The following ANKRD31 variants were observed in gnomAD, a reference collection of about 807,000 sequenced individuals.
ANKRD31 encodes ankyrin repeat domain 31.
ANKRD31 carries 147 observed loss-of-function variants against 186.0 expected under a neutral mutation model. The ratio of observed to expected loss-of-function variants is 0.79; its 90% CI spans 0.69 to 0.91. ANKRD31 has a LOEUF of 0.91. Among genes scored for constraint, ANKRD31 ranks in the 40% least tolerant of loss-of-function variants. ANKRD31 has a pLI of 0.00. For missense variants in ANKRD31, 1,986 were observed against 2,148.8 expected, an observed-to-expected ratio of 0.92 and a Z score of 1.50; for synonymous variants, 673 against 736.4, an observed-to-expected ratio of 0.91 and a Z score of 1.39.
At chr5:75,138,431 AT>A (rs1204251196) in intron 16 of ANKRD31, among the ~76,000 whole-genome samples, 4 of 152,142 alleles carry the variant, frequency 2.6e-5, no homozygotes, top group Non-Finnish European at 5.9e-5. Context: ...CTTAAGCAAA[AT>A]GTTAGGTAAA....
intron 10 of ANKRD31, among the ~76,000 whole-genome samples, chr5:75,171,114 T>C (rs890708057): frequency 2.6e-5 from 4 of 152,016 alleles, no homozygotes; most frequent in Non-Finnish European, 4.4e-5. Flanking sequence ...TGAACAACAT[T>C]ATCAACACCT....
chr5:75,210,906 T>C (rs1226621013), intron 3 of ANKRD31, 41 bp from the exon 4 acceptor site: 1 of 1,339,222 alleles, frequency 7.5e-7, no homozygotes, highest in Admixed American at 2.8e-5. Flanking sequence ...TGATAAGTGT[T>C]AATTCAATGC....
At chr5:75,138,038 C>A (rs559395709) in intron 16 of ANKRD31, 40 bp from the exon 17 acceptor site, 20 of 1,405,198 alleles carry the variant, frequency 1.4e-5, no homozygotes, top group East Asian at 1.3e-4. Flanking sequence ...CTGCTTCATG[C>A]GAATCAATAC....
chr5:75,176,979 C>A (rs1323100299), intron 10 of ANKRD31, among the ~76,000 whole-genome samples: 1 of 151,978 alleles, frequency 6.6e-6, no homozygotes, highest in Non-Finnish European at 1.5e-5. Context: ...AAGTTAAAAA[C>A]TATGAAAAAA....
In ANKRD31 at chr5:75,116,993, C is replaced by A. The variant is rs572469348; in HGVS notation, c.4040-312G>T. Among the ~76,000 whole-genome samples, 8 of 152,150 alleles carry A rather than the reference C, an allele frequency of 5.3e-5. No homozygotes were observed. The East Asian group carries it at 1.5e-3, about 29-fold the overall frequency. On this transcript the variant is annotated intron_variant, in intron 18 of 25. Transcript: ENST00000506364. ...GGCTTAGAGGGGTTCAAGAAGTTGC[C>A]CAATGTCACACAGTTAGAACTGAAA... is the stretch of plus-strand genomic sequence containing the variant.
At position 75,068,640 on chromosome 5, in the gene ANKRD31, C is replaced by A; in HGVS notation, c.5672G>T (p.Ser1891Ile). The change falls in exon 26 of 26, where the codon AGC (serine) becomes ATC (isoleucine). Residue 1891 changes from serine to isoleucine, a missense_variant. Physicochemically the swap from Ser to Ile is moderately radical, Grantham distance 142 (BLOSUM62 -2). Coordinates refer to ENST00000506364, the MANE Select transcript of ANKRD31 (RefSeq NM_001372053.1). ...GQGTSRESMQ[S>I]SPRYLQINEI... ...ATTTATTTGTAGATAACGTGGGCTG[C>A]TTTGCATTGACTCTCTGGAAGTTCC... The A allele has an allele frequency of 6.6e-7, 1 of 1,514,300 alleles. No homozygotes were observed. The allele number at this position is 1,514,300 out of a possible 1,614,324, so 93.8% of individuals were successfully genotyped here.
At chr5:75,213,845 T>G (rs1296557574) in intron 3 of ANKRD31, among the ~76,000 whole-genome samples, 2 of 152,222 alleles carry the variant, frequency 1.3e-5, no homozygotes, top group African/African-American at 4.8e-5. Flanking sequence ...TCTCTTTCAC[T>G]GATTCATGGA....
Position 75,125,956 on chromosome 5 carries a change from C to T in ANKRD31, c.3877-7659G>A, listed in dbSNP as rs931705054. Among the ~76,000 whole-genome samples the T allele has an allele frequency of 5.3e-5, 8 of 152,306 alleles. No individual in the cohort carries two copies. In the East Asian group the frequency reaches 1.2e-3, roughly 22 times the overall value. Reference sequence around the variant, plus strand: ...CACGACTACAATAATGACTTAGAGACATTCTACCATCACAAAAAATCCTTT... The same window carrying T: ...CACGACTACAATAATGACTTAGAGATATTCTACCATCACAAAAAATCCTTT... On this transcript the variant is annotated intron_variant, in intron 17 of 25. Coordinates refer to ENST00000506364, the MANE Select transcript of ANKRD31 (RefSeq NM_001372053.1).
Position 75,146,633 on chromosome 5 carries a change from T to G in ANKRD31, c.2778A>C (p.Lys926Asn), listed in dbSNP as rs753472695. Residue 926 changes from lysine to asparagine, a missense_variant, in exon 14 of 26, where the codon AAA (lysine) becomes AAC (asparagine). Lys to Asn is a moderately conservative substitution (Grantham distance 94). Transcript: ENST00000506364. ...TTAAATTCTCCTTAAAATTATAGTG[T>G]TTTTTGCCACCTGTAGAACACAACA... ...KKVLCSTGGKKHYNFKENLTN... is the reference protein window; with the variant it reads ...KKVLCSTGGKNHYNFKENLTN... The G allele has an allele frequency of 2.0e-5, 30 of 1,535,558 alleles. No homozygotes were observed. The highest frequency in any genetic ancestry group is 5.9e-5 in the Admixed American group (3 of 50,780).
In ANKRD31 at chr5:75,068,617, T is replaced by G. The variant is rs987710525; in HGVS notation, c.5695A>C (p.Asn1899His). Residue 1899 changes from asparagine to histidine, a missense_variant, in exon 26 of 26, where the codon AAT becomes CAT. Coordinates refer to ENST00000506364, the MANE Select transcript of ANKRD31 (RefSeq NM_001372053.1). ...TGATCACTGATTAATAGTATTTCAT[T>G]TATTTGTAGATAACGTGGGCTGCTT... is the stretch of plus-strand genomic sequence containing the variant. ...MQSSPRYLQI[N>H]EILLISDQEF... 9 of 1,524,574 alleles carry G rather than the reference T, an allele frequency of 5.9e-6. No individual in the cohort carries two copies. In the African/African-American group the frequency reaches 1.2e-4, roughly 21 times the overall value. The allele number at this position is 1,524,574 out of a possible 1,614,324, so 94.4% of individuals were successfully genotyped here.
Position 75,133,555 on chromosome 5 carries a change from C to T in ANKRD31, c.3876+4301G>A, listed in dbSNP as rs574625438. On this transcript the variant is annotated intron_variant, in intron 17 of 25. Coordinates refer to ENST00000506364, the MANE Select transcript of ANKRD31 (RefSeq NM_001372053.1). ...CTACAAAGAGACTTAGACTCCCACA[C>T]AATAATAATGGCAGACTTTAACACC... 1.2e-4 allele frequency among the ~76,000 whole-genome samples: 18 copies of T among 152,238 alleles called. No individual in the cohort carries two copies. In the South Asian group the frequency reaches 2.7e-3, roughly 23 times the overall value.
chr5:75,173,608 G>A (rs537846492), intron 10 of ANKRD31, among the ~76,000 whole-genome samples: 47 of 152,032 alleles, frequency 3.1e-4, no homozygotes, highest in Non-Finnish European at 4.6e-4. Flanking sequence ...AGAGAGCCAA[G>A]TCACGAGTGA....
At chr5:75,229,634 A>G (rs1480379100) in intron 2 of ANKRD31, among the ~76,000 whole-genome samples, 1 of 152,146 alleles carries the variant, frequency 6.6e-6, no homozygotes, top group Non-Finnish European at 1.5e-5. Flanking sequence ...TGGAGGACCA[A>G]GGTGGGCAGA....
intron 10 of ANKRD31, among the ~76,000 whole-genome samples, chr5:75,187,426 A>C (rs1488637099): frequency 1.3e-5 from 2 of 152,022 alleles, no homozygotes; most frequent in African/African-American, 4.8e-5. Flanking sequence ...ACAAGAAGGG[A>C]ACAGCCACTG....
At chr5:75,196,587 C>T (rs1755482884) in intron 6 of ANKRD31, among the ~76,000 whole-genome samples, 1 of 152,142 alleles carries the variant, frequency 6.6e-6, no homozygotes, top group South Asian at 2.1e-4. Context: ...CCAAAATGTC[C>T]TATTTGATTT....
intron 10 of ANKRD31, among the ~76,000 whole-genome samples, chr5:75,177,528 G>T (rs536134367): frequency 6.6e-6 from 1 of 152,108 alleles, no homozygotes; most frequent in Non-Finnish European, 1.5e-5. Flanking sequence ...GACTAACAGT[G>T]GATCTCTTGG....
intron 17 of ANKRD31, among the ~76,000 whole-genome samples, chr5:75,119,588 A>G (rs1057059628): frequency 3.3e-5 from 5 of 152,186 alleles, no homozygotes; most frequent in East Asian, 3.9e-4. Flanking sequence ...TTGGTAGAAC[A>G]ATTTGTTTTC....
chr5:75,093,319 T>G (rs1288329919), intron 22 of ANKRD31, among the ~76,000 whole-genome samples: 2 of 152,038 alleles, frequency 1.3e-5, no homozygotes, highest in African/African-American at 4.8e-5. Context: ...CTGTCACTAC[T>G]AAAAATACAA....
At chr5:75,080,248 C>T (rs1580280925) in intron 25 of ANKRD31, among the ~76,000 whole-genome samples, 1 of 152,098 alleles carries the variant, frequency 6.6e-6, no homozygotes, top group Non-Finnish European at 1.5e-5. Context: ...AAAGTAAATC[C>T]AGTTTTAAAA....
Sources: gnomAD v4.1 joint callset for allele counts (sites outside exome capture counted in the v4.1 genomes callset) on GRCh38, gnomAD v4.1.1 for gene constraint, MANE v1.5 for transcripts, NCBI Gene and HGNC (gene_info 2026-07-23, HGNC 2026-07-21) for gene names.